Variants in NEMP2 observed in about 807,000 individuals in gnomAD.
NEMP2 encodes the protein UPF0571 transmembrane protein.
In NEMP2, 53 loss-of-function variants were observed where a neutral mutation model predicts 54.2. That is an observed-to-expected ratio of 0.98 (90% CI 0.78 to 1.23). The LOEUF is 1.23. Among genes scored for constraint, NEMP2 ranks in the 50% most tolerant of loss-of-function variants. The pLI, the probability that NEMP2 is intolerant of heterozygous loss-of-function variation, is 0.00. For missense variants in NEMP2, 455 were observed against 511.3 expected, an observed-to-expected ratio of 0.89 and a Z score of 1.06; for synonymous variants, 197 against 190.3, an observed-to-expected ratio of 1.04 and a Z score of -0.29.
the NEMP2 span, chr2:190,641,332 T>C: frequency 6.6e-6 from 1 of 152,230 alleles, no homozygotes; most frequent in Non-Finnish European, 1.5e-5. Context: ...ATTTCCTTGC[T>C]CCTTTCATGA....
chr2:190,571,708 A>C, the NEMP2 span, among the ~76,000 whole-genome samples: 1 of 152,150 alleles, frequency 6.6e-6, no homozygotes, highest in Non-Finnish European at 1.5e-5. Flanking sequence ...GTTTTACTTG[A>C]GCTAATAAAT....
intron 6 of NEMP2, among the ~76,000 whole-genome samples, chr2:190,515,737 TTCTC>T (rs1168129628): frequency 6.6e-6 from 1 of 152,212 alleles, no homozygotes; most frequent in South Asian, 2.1e-4. Context: ...AGAAAATTGA[TTCTC>T]TCATTGTCCA....
rs1690141492 is a variant in NEMP2 at position 190,504,495 on chromosome 2, G to GAGTT, written c.*4690_*4693dup. On this transcript the variant is annotated 3_prime_UTR_variant, in exon 9 of 9. Transcript: ENST00000409150. The surrounding 1 kb of genome is among the most constrained non-coding windows in gnomAD (Gnocchi z 5.6). Reference sequence around the variant, plus strand: ...GTAAACATTAAGTGGTTGGGGATATGAGTTAGTTAAGAGACAAAATTAAGC... The same window carrying GAGTT: ...GTAAACATTAAGTGGTTGGGGATATGAGTTAGTTAGTTAAGAGACAAAATTAAGC... 6.6e-6 allele frequency: 1 copy of GAGTT among 152,116 alleles called. No homozygotes were observed. Among genetic ancestry groups the GAGTT allele is most frequent in the African/African-American group, 2.4e-5 (1 of 41,410 alleles). 9.4% of individuals were successfully genotyped at this position (152,116 alleles called of 1,614,324 possible).
the NEMP2 span, among the ~76,000 whole-genome samples, chr2:190,585,065 C>G: frequency 6.6e-6 from 1 of 152,190 alleles, no homozygotes; most frequent in Admixed American, 6.5e-5. The surrounding 1 kb of genome is among the most constrained non-coding windows in gnomAD (Gnocchi z 5.3). Context: ...TTGCTGTGTT[C>G]AGTCCATGGC....
chr2:190,446,544 GA>G, the NEMP2 span, among the ~76,000 whole-genome samples: 3 of 152,150 alleles, frequency 2.0e-5, no homozygotes, highest in Admixed American at 2.0e-4. Context: ...ATCTGAGTTG[GA>G]AAAAAATTAT....
the NEMP2 span, among the ~76,000 whole-genome samples, chr2:190,484,332 G>A: frequency 6.6e-6 from 1 of 152,194 alleles, no homozygotes; most frequent in Admixed American, 6.5e-5. Context: ...CCATGCCACT[G>A]AGTAAATGTG....
At chr2:190,571,377 T>C in the NEMP2 span, among the ~76,000 whole-genome samples, 2 of 151,954 alleles carry the variant, frequency 1.3e-5, no homozygotes, top group African/African-American at 4.8e-5. Flanking sequence ...ACACTGTCTC[T>C]ACTAAAAATA....
the NEMP2 span, among the ~76,000 whole-genome samples, chr2:190,630,112 T>C: frequency 6.6e-6 from 1 of 152,242 alleles, no homozygotes; most frequent in Non-Finnish European, 1.5e-5. The surrounding 1 kb of genome is among the most constrained non-coding windows in gnomAD (Gnocchi z 5.5). Flanking sequence ...CATTTGCTTA[T>C]TATGAGCATG....
rs72470733 is a variant in NEMP2, at chr2:190,511,553, A to AT, written c.954-1017dup. Among the ~76,000 whole-genome samples, 1,114 of 133,668 alleles carry AT rather than the reference A, an allele frequency of 8.3e-3. 8 individuals are homozygous for AT. The highest frequency in any genetic ancestry group is 0.014 in the Middle Eastern group (4 of 276). 87.7% of individuals were successfully genotyped at this position (133,668 alleles called of 152,430 possible). On this transcript the variant is annotated intron_variant, in intron 7 of 8. Coordinates refer to ENST00000409150, the MANE Select transcript of NEMP2 (RefSeq NM_001142645.2). ...TTATTTATTTTTTAAATTAAATTTAATTTTTTTTTTTTTTTTTTTGAGCCA... is the reference window on the plus strand; with the variant it reads ...TTATTTATTTTTTAAATTAAATTTAATTTTTTTTTTTTTTTTTTTTGAGCCA...
the NEMP2 span, among the ~76,000 whole-genome samples, chr2:190,598,521 T>C: frequency 5.9e-5 from 9 of 152,376 alleles, no homozygotes; most frequent in Admixed American, 2.0e-4. Flanking sequence ...TTTCATAACT[T>C]GTGGCGCTGC....
chr2:190,621,356 G>A, the NEMP2 span, among the ~76,000 whole-genome samples: 26 of 152,262 alleles, frequency 1.7e-4, no homozygotes, highest in South Asian at 1.0e-3. Context: ...ACATTTGTGC[G>A]TCTCAACATA....
the NEMP2 span, among the ~76,000 whole-genome samples, chr2:190,633,676 C>T: frequency 6.6e-6 from 1 of 152,138 alleles, no homozygotes; most frequent in Admixed American, 6.5e-5. Flanking sequence ...ATAGTATGTA[C>T]TCAGCAAATG....
chr2:190,494,979 A>G, the NEMP2 span, among the ~76,000 whole-genome samples: 2 of 152,210 alleles, frequency 1.3e-5, no homozygotes, highest in Admixed American at 6.5e-5. This position sits in a 1 kb window ranked among gnomAD's most constrained non-coding sequence, Gnocchi z 5.7. Flanking sequence ...TATTCAACAT[A>G]GTACTGGAAG....
chr2:190,494,022 ATGAAAT>A, the NEMP2 span, among the ~76,000 whole-genome samples: 1 of 152,144 alleles, frequency 6.6e-6, no homozygotes, highest in African/African-American at 2.4e-5. The surrounding 1 kb of genome is among the most constrained non-coding windows in gnomAD (Gnocchi z 5.7). Context: ...GAATAACTAA[ATGAAAT>A]TGAAGGAAAA....
chr2:190,436,284 C>T, the NEMP2 span: 1 of 1,614,080 alleles, frequency 6.2e-7, no homozygotes, highest in Admixed American at 1.7e-5. The surrounding 1 kb of genome is among the most constrained non-coding windows in gnomAD (Gnocchi z 5.3). Flanking sequence ...ATGGCTCTCT[C>T]TATCCCCTTT....
At chr2:190,550,038 G>T in the NEMP2 span, among the ~76,000 whole-genome samples, 8 of 152,058 alleles carry the variant, frequency 5.3e-5, no homozygotes, top group Admixed American at 2.0e-4. The surrounding 1 kb of genome is among the most constrained non-coding windows in gnomAD (Gnocchi z 4.7). Flanking sequence ...GAAAGTTCAG[G>T]ACTATGGGGT....
chr2:190,527,738 G>T lies in NEMP2; in HGVS notation c.98-2360C>A, dbSNP rs1350866361. Among the ~76,000 whole-genome samples, 1 of 152,110 alleles carries T rather than the reference G, an allele frequency of 6.6e-6. No homozygotes were observed. The highest frequency in any genetic ancestry group is 2.4e-5 in the African/African-American group (1 of 41,414). ...GAGGTGAGCGGTGCGCGAGGCGAGT[G>T]ATCATTACCACCTGAGCTCCACCTC... On this transcript the variant is annotated intron_variant, in intron 1 of 8. Coordinates refer to ENST00000409150, the MANE Select transcript of NEMP2 (RefSeq NM_001142645.2). This position sits in a 1 kb window ranked among gnomAD's most constrained non-coding sequence, Gnocchi z 4.0.
chr2:190,613,391 T>C, the NEMP2 span, among the ~76,000 whole-genome samples: 1 of 152,194 alleles, frequency 6.6e-6, no homozygotes, highest in African/African-American at 2.4e-5. Context: ...ATGTTTTATT[T>C]ATTTAAAAAA....
the NEMP2 span, among the ~76,000 whole-genome samples, chr2:190,444,010 A>T: frequency 6.6e-6 from 1 of 152,194 alleles, no homozygotes. Flanking sequence ...AGCTGTGATC[A>T]CACCACTGCA....
Sources: gnomAD v4.1 joint callset for allele counts (sites outside exome capture counted in the v4.1 genomes callset) on GRCh38, gnomAD v4.1.1 for gene constraint, Gnocchi (gnomAD v3.1) non-coding constraint, MANE v1.5 for transcripts, NCBI Gene and HGNC (gene_info 2026-07-23, HGNC 2026-07-21) for gene names.